Variants in DLGAP2 observed in about 807,000 individuals in gnomAD.
The protein encoded by DLGAP2 is DLG associated protein 2.
DLGAP2 carries 26 observed loss-of-function variants against 100.3 expected under a neutral mutation model. The ratio of observed to expected loss-of-function variants is 0.26; its 90% CI spans 0.19 to 0.36. DLGAP2 has a LOEUF of 0.36. Among genes scored for constraint, DLGAP2 ranks in the 10% least tolerant of loss-of-function variants. DLGAP2 has a pLI of 1.00. For missense variants in DLGAP2, 1,858 were observed against 1,453.2 expected, an observed-to-expected ratio of 1.28 and a Z score of -4.53; for synonymous variants, 886 against 630.1, an observed-to-expected ratio of 1.41 and a Z score of -6.08.
chr8:1,039,134 A>G (rs1802218686), intron 2 of DLGAP2, among the ~76,000 whole-genome samples: 1 of 152,106 alleles, frequency 6.6e-6, no homozygotes, highest in Non-Finnish European at 1.5e-5. Flanking sequence ...GGAGACTCAT[A>G]GGAAGTGACC....
chr8:1,222,138 G>C (rs1798326359), intron 2 of DLGAP2, among the ~76,000 whole-genome samples: 1 of 152,206 alleles, frequency 6.6e-6, no homozygotes, highest in Admixed American at 6.5e-5. Flanking sequence ...CAGTCATTTG[G>C]TTGTAAGAAG....
chr8:767,867 G>A (rs368859686), intron 1 of DLGAP2, among the ~76,000 whole-genome samples: 360 of 152,322 alleles, frequency 2.4e-3, no homozygotes, highest in African/African-American at 8.5e-3. Context: ...CCCTCAGGGA[G>A]AAGTTTCTTG....
intron 3 of DLGAP2, among the ~76,000 whole-genome samples, chr8:1,483,740 T>C (rs374878124): frequency 0.026 from 235 of 9,166 alleles, 2 homozygotes; most frequent in East Asian, 0.039. Flanking sequence ...AGGTGCAGAA[T>C]GTGGGGACCA....
At chr8:1,169,590 T>A (rs114825528) in intron 2 of DLGAP2, among the ~76,000 whole-genome samples, 50,277 of 152,078 alleles carry the variant, frequency 0.33, 9,736 homozygotes, top group Non-Finnish European at 0.43. Context: ...CTTGAAAAGG[T>A]CCTTCACGTC....
At chr8:867,105 C>G (rs766765756) in intron 1 of DLGAP2, among the ~76,000 whole-genome samples, 1 of 152,236 alleles carries the variant, frequency 6.6e-6, no homozygotes. Context: ...GTGCCGCCTA[C>G]CGGCCGTCAC....
At chr8:747,491 C>T (rs370937869) in intron 1 of DLGAP2, among the ~76,000 whole-genome samples, 29 of 123,882 alleles carry the variant, frequency 2.3e-4, no homozygotes, top group East Asian at 5.1e-4. Flanking sequence ...ACGTTCCAGC[C>T]GAGGGGAACG....
intron 2 of DLGAP2, among the ~76,000 whole-genome samples, chr8:1,213,222 G>A (rs1798142996): frequency 1.3e-5 from 2 of 152,128 alleles, no homozygotes; most frequent in African/African-American, 2.4e-5. Context: ...CTTGTCTGTG[G>A]CTTTCCTGGG....
At chr8:1,217,077 C>G (rs886895035) in intron 2 of DLGAP2, among the ~76,000 whole-genome samples, 1 of 152,028 alleles carries the variant, frequency 6.6e-6, no homozygotes, top group African/African-American at 2.4e-5. Context: ...GCATAGTACC[C>G]GATAGGTGGT....
chr8:1,059,231 C>A (rs1585021943), intron 2 of DLGAP2, among the ~76,000 whole-genome samples: 2 of 152,190 alleles, frequency 1.3e-5, no homozygotes, highest in South Asian at 4.2e-4. Flanking sequence ...ACCAGCTGGG[C>A]CTCATCCCCT....
intron 3 of DLGAP2, among the ~76,000 whole-genome samples, chr8:1,455,830 G>A (rs764821159): frequency 7.9e-5 from 12 of 152,310 alleles, no homozygotes; most frequent in South Asian, 2.1e-4. Context: ...AGGCTGCAGC[G>A]TTCCAGGCAG....
intron 6 of DLGAP2, among the ~76,000 whole-genome samples, chr8:1,625,765 A>G (rs1447634378): frequency 6.6e-6 from 1 of 152,218 alleles, no homozygotes; most frequent in African/African-American, 2.4e-5. Flanking sequence ...AAATTTCACT[A>G]CCTGGCCATA....
chr8:983,461 T>C (rs1800398237), intron 2 of DLGAP2, among the ~76,000 whole-genome samples: 1 of 152,102 alleles, frequency 6.6e-6, no homozygotes, highest in Non-Finnish European at 1.5e-5. Flanking sequence ...GATGTTCTTC[T>C]ATCCCTTAGA....
intron 14 of DLGAP2, among the ~76,000 whole-genome samples, chr8:1,698,877 T>A (rs752472662): frequency 6.7e-6 from 1 of 149,060 alleles, no homozygotes; most frequent in African/African-American, 2.5e-5. Flanking sequence ...CAGGTCTGCG[T>A]AAGCCATGCA....
At chr8:1,593,550 A>G (rs771880461) in intron 6 of DLGAP2, among the ~76,000 whole-genome samples, 2 of 152,204 alleles carry the variant, frequency 1.3e-5, no homozygotes, top group Non-Finnish European at 2.9e-5. Context: ...AACCAGACTT[A>G]CCAAAGATGC....
chr8:1,233,569 G>A (rs567989003), intron 2 of DLGAP2, among the ~76,000 whole-genome samples: 2 of 152,326 alleles, frequency 1.3e-5, no homozygotes, highest in South Asian at 4.1e-4. Flanking sequence ...CACTCAAGGG[G>A]ACCTGATGCA....
At chr8:1,123,361 G>A (rs1418684942) in intron 2 of DLGAP2, among the ~76,000 whole-genome samples, 2 of 152,304 alleles carry the variant, frequency 1.3e-5, no homozygotes, top group East Asian at 1.9e-4. Context: ...ATTTGCTCAA[G>A]TAACACCTGA....
chr8:923,984 C>G lies in DLGAP2; in HGVS notation c.73+16018C>G, dbSNP rs1044467196. ...CCAGCTTAATGTTCTTAAGTTAAAT[C>G]AATGATGCTGTTAACATTGCTTTGA... On this transcript the variant is annotated intron_variant, in intron 2 of 14. Coordinates refer to ENST00000637795, the MANE Select transcript of DLGAP2 (RefSeq NM_001346810.2). Among the ~76,000 whole-genome samples the G allele has an allele frequency of 2.0e-5, 3 of 152,176 alleles. No homozygotes were observed. In the South Asian group the frequency reaches 6.2e-4, roughly 32 times the overall value.
At chr8:1,468,427 G>C (rs921487800) in intron 3 of DLGAP2, among the ~76,000 whole-genome samples, 4 of 151,384 alleles carry the variant, frequency 2.6e-5, no homozygotes, top group African/African-American at 9.8e-5. Context: ...CTGGTCCTGA[G>C]TCCCCAACAG....
intron 2 of DLGAP2, among the ~76,000 whole-genome samples, chr8:921,130 C>T (rs1487627240): frequency 6.6e-6 from 1 of 152,192 alleles, no homozygotes; most frequent in Non-Finnish European, 1.5e-5. Context: ...CCATCTCCTT[C>T]TGCGAGATTT....
Sources: allele counts gnomAD v4.1 joint callset (sites outside exome capture counted in the v4.1 genomes callset), GRCh38; gene constraint gnomAD v4.1.1; transcripts MANE v1.5; gene names NCBI Gene and HGNC (gene_info 2026-07-23, HGNC 2026-07-21).